Variants in UMODL1 observed in about 807,000 individuals in gnomAD.
UMODL1 encodes the protein uromodulin-like 1.
UMODL1 carries 128 observed loss-of-function variants against 136.3 expected under a neutral mutation model. The observed-to-expected ratio is 0.94, with a 90% CI of 0.81 to 1.09. The LOEUF (loss-of-function observed/expected upper bound fraction) is 1.09. Ranked by LOEUF, UMODL1 falls within the 50% of genes least tolerant of loss-of-function variation. The pLI is 0.00. For synonymous variants in UMODL1, 721 were observed against 720.0 expected (o/e 1.00, Z -0.02); for missense variants, 1,766 against 1,725.6 (o/e 1.02, Z -0.41).
chr21:42,066,940 A>C (rs1000465483), upstream of UMODL1, among the ~76,000 whole-genome samples: 4 of 150,162 alleles, frequency 2.7e-5, no homozygotes, highest in South Asian at 8.4e-4. Context: ...CTTTGTGGAG[A>C]GGTTTCCTGG....
intron 16 of UMODL1, among the ~76,000 whole-genome samples, chr21:42,121,437 C>A (rs367679495): frequency 4.6e-5 from 7 of 152,046 alleles, no homozygotes; most frequent in African/African-American, 1.7e-4. Context: ...CCCATTCTTT[C>A]ATATGTGTCC....
chr21:42,110,971 A>G lies in UMODL1; in HGVS notation c.1749A>G (p.Leu583=). The G allele has an allele frequency of 6.2e-7, 1 of 1,613,128 alleles. No homozygotes were observed. The highest frequency in any genetic ancestry group is 8.5e-7 in the Non-Finnish European group (1 of 1,179,788). The change falls in exon 11 of 23, where the codon CTA becomes CTG. Residue 583 remains leucine, a synonymous_variant. Coordinates refer to ENST00000408910, the MANE Select transcript of UMODL1 (RefSeq NM_001004416.3). ...GLGTGTAALG[L]ENFTLSPSPG... ...GCACGGGAACAGCAGCCCTCGGCCT[A>G]GAGAACTTCACCTTGTCACCCAGTC...
intron 22 of UMODL1, among the ~76,000 whole-genome samples, chr21:42,141,527 A>T (rs1468481783): frequency 1.3e-5 from 2 of 152,226 alleles, no homozygotes; most frequent in Non-Finnish European, 2.9e-5. Context: ...TTCTAAGGAA[A>T]TCTGGTGTAT....
intron 2 of UMODL1, among the ~76,000 whole-genome samples, chr21:42,079,838 A>T (rs1043686107): frequency 6.6e-6 from 1 of 152,184 alleles, no homozygotes; most frequent in African/African-American, 2.4e-5. Flanking sequence ...TTGGGGGTTT[A>T]CCAAGCTGCA....
At chr21:42,109,738 C>T (rs754231796) in intron 10 of UMODL1, 39 bp downstream of exon 10, 5 of 1,592,160 alleles carry the variant, frequency 3.1e-6, no homozygotes, top group Non-Finnish European at 3.4e-6. Flanking sequence ...GGAAGACCCC[C>T]TGCCCGAGAA....
intron 13 of UMODL1, 45 bp downstream of exon 13, chr21:42,113,875 G>A: frequency 6.3e-7 from 1 of 1,584,318 alleles, no homozygotes; most frequent in Non-Finnish European, 8.6e-7. Flanking sequence ...CAAAAAGTAT[G>A]AAAAAGACTT....
chr21:42,139,408 G>T (rs985379869), intron 22 of UMODL1, among the ~76,000 whole-genome samples: 2 of 152,128 alleles, frequency 1.3e-5, no homozygotes, highest in Admixed American at 6.5e-5. Flanking sequence ...GAGCTCTATC[G>T]TGAGACAGCA....
At chr21:42,121,018 A>T in intron 15 of UMODL1, 69 bp from the exon 16 acceptor site, 1 of 1,554,344 alleles carries the variant, frequency 6.4e-7, no homozygotes, top group Non-Finnish European at 8.7e-7. Flanking sequence ...ACTCTCCCCC[A>T]ACCAGGCTGC....
intron 18 of UMODL1, 105 bp downstream of exon 18, chr21:42,126,595 T>C (rs220157): frequency 0.85 from 1,289,366 of 1,517,482 alleles, 549,740 homozygotes; most frequent in Middle Eastern, 0.9. Flanking sequence ...TTCCTTGAGA[T>C]GGAATATACA....
intron 14 of UMODL1, among the ~76,000 whole-genome samples, chr21:42,117,348 C>A (rs577958473): frequency 6.6e-6 from 1 of 152,314 alleles, no homozygotes; most frequent in East Asian, 1.9e-4. Context: ...GCGCACTGGG[C>A]GGCTCCCGCC....
At position 42,122,738 on chromosome 21, in the gene UMODL1, C is replaced by T. The variant is rs1392141359; in HGVS notation, c.2828-93C>T. On this transcript the variant is annotated intron_variant, in intron 16 of 22. Transcript: ENST00000408910. The surrounding 1 kb of genome is among the most constrained non-coding windows in gnomAD (Gnocchi z 4.3). Reference sequence around the variant, plus strand: ...TCCCAGGTGTGGCTGCTGCAGAGTGCAGGGCAGCTCCAGTCTGCTCCTTAC... The same window carrying T: ...TCCCAGGTGTGGCTGCTGCAGAGTGTAGGGCAGCTCCAGTCTGCTCCTTAC... The T allele has an allele frequency of 6.9e-6, 9 of 1,313,374 alleles. No homozygotes were observed. Among genetic ancestry groups the T allele is most frequent in the Non-Finnish European group, 8.2e-6 (8 of 977,646 alleles). 81.4% of individuals were successfully genotyped at this position (1,313,374 alleles called of 1,614,324 possible). A position where few individuals can be genotyped will look rare whatever the true frequency, so the allele number is the denominator to read the frequency against.
chr21:42,137,319 C>G, intron 21 of UMODL1, 120 bp from the exon 22 acceptor site: 1 of 1,269,232 alleles, frequency 7.9e-7, no homozygotes, highest in Non-Finnish European at 1.1e-6. Context: ...CGGGTGCACA[C>G]GTGGGCCTTG....
upstream of UMODL1, among the ~76,000 whole-genome samples, chr21:42,066,604 C>T (rs2066184867): frequency 6.6e-6 from 1 of 152,158 alleles, no homozygotes; most frequent in South Asian, 2.1e-4. Flanking sequence ...CTTAGTTGAT[C>T]TTGCTCCAAG....
chr21:42,137,763 A>G (rs550169855), intron 22 of UMODL1, 122 bp downstream of exon 22: 49 of 1,131,762 alleles, frequency 4.3e-5, no homozygotes, highest in African/African-American at 4.8e-5. Context: ...GCTGACAGGA[A>G]GGTGGGTGTG....
rs190311402 is a variant in UMODL1, at chr21:42,103,719, C to T, written c.1300-149C>T. ...AAGGTGCTGTGAACGGACTTCTCTG[C>T]GTGCTCTGAGAGGTCGGTCGTCAGG... On this transcript the variant is annotated intron_variant, in intron 8 of 22. Coordinates refer to ENST00000408910, the MANE Select transcript of UMODL1 (RefSeq NM_001004416.3). 168 of 909,698 alleles carry T rather than the reference C, an allele frequency of 1.8e-4. 2 individuals carry two copies. Among genetic ancestry groups the T allele is most frequent in the Admixed American group, 1.2e-3 (61 of 50,436 alleles). The allele number at this position is 909,698 out of a possible 1,614,324, so 56.4% of individuals were successfully genotyped here. A position where few individuals can be genotyped will look rare whatever the true frequency, so the allele number is the denominator to read the frequency against.
In UMODL1 at chr21:42,076,090, C is replaced by G; in HGVS notation, c.162C>G (p.Ser54=). Residue 54 remains serine, a synonymous_variant, in exon 2 of 23, where the codon TCC becomes TCG. Coordinates refer to ENST00000408910, the MANE Select transcript of UMODL1 (RefSeq NM_001004416.3). The part of the protein sequence containing the change: ...TVQKVEAVQT[S]YTSYVSCGGW... Reference sequence around the variant, plus strand: ...AGAAGGTGGAGGCCGTGCAGACGTCCTACACGTCCTATGTGTCCTGCGGCG... The same window carrying G: ...AGAAGGTGGAGGCCGTGCAGACGTCGTACACGTCCTATGTGTCCTGCGGCG... 6.2e-7 allele frequency: 1 copy of G among 1,614,256 alleles called. No individual in the cohort carries two copies. The highest frequency in any genetic ancestry group is 8.5e-7 in the Non-Finnish European group (1 of 1,180,042).
intron 5 of UMODL1, among the ~76,000 whole-genome samples, chr21:42,088,915 C>T (rs1410949159): frequency 6.6e-6 from 1 of 152,202 alleles, no homozygotes; most frequent in African/African-American, 2.4e-5. Flanking sequence ...CAAGGACATC[C>T]TTGTACTCCA....
At chr21:42,067,765 C>T (rs1036422114), upstream of UMODL1, among the ~76,000 whole-genome samples, 5 of 152,240 alleles carry the variant, frequency 3.3e-5, no homozygotes, top group African/African-American at 4.8e-5. Context: ...CACGAGAAAG[C>T]GACAGGCCCA....
At chr21:42,141,258 C>T (rs1336972605) in intron 22 of UMODL1, among the ~76,000 whole-genome samples, 1 of 152,152 alleles carries the variant, frequency 6.6e-6, no homozygotes, top group East Asian at 1.9e-4. Flanking sequence ...TCAGAGAAAA[C>T]ACCACCCGCC....
Sources: allele counts gnomAD v4.1 joint callset (sites outside exome capture counted in the v4.1 genomes callset), GRCh38; gene constraint gnomAD v4.1.1; non-coding constraint Gnocchi (gnomAD v3.1); transcripts MANE v1.5; gene names NCBI Gene and HGNC (gene_info 2026-07-23, HGNC 2026-07-21).